The following ATP10A variants were observed in gnomAD, a reference collection of about 807,000 sequenced individuals.
ATP10A encodes ATPase phospholipid transporting 10A (putative), also known as phospholipid-transporting ATPase VA.
Under a neutral mutation model 147.8 loss-of-function variants are expected in ATP10A, and 111 were observed. That is an observed-to-expected ratio of 0.75 (90% CI 0.64 to 0.88). The LOEUF is 0.88. Ranked by LOEUF, ATP10A falls within the 40% of genes least tolerant of loss-of-function variation. The pLI is 0.00. For missense variants in ATP10A, 1,927 were observed against 1,959.0 expected (o/e 0.98, Z 0.31); for synonymous variants, 875 against 841.6 (o/e 1.04, Z -0.69).
chr15:25,813,855 T>G (rs563398951), intron 1 of ATP10A, among the ~76,000 whole-genome samples: 1 of 152,034 alleles, frequency 6.6e-6, no homozygotes, highest in African/African-American at 2.4e-5. Flanking sequence ...ACAGACTTTT[T>G]TTTTTAAAGA....
At chr15:25,776,997 C>T (rs1438178860) in intron 2 of ATP10A, among the ~76,000 whole-genome samples, 1 of 152,116 alleles carries the variant, frequency 6.6e-6, no homozygotes, top group Non-Finnish European at 1.5e-5. Context: ...CCATACTGGG[C>T]ATCACTGGTG....
At chr15:25,817,044 T>C (rs1357076449) in intron 1 of ATP10A, among the ~76,000 whole-genome samples, 1 of 152,144 alleles carries the variant, frequency 6.6e-6, no homozygotes, top group Non-Finnish European at 1.5e-5. Flanking sequence ...TAATGCAACT[T>C]TCTCTGTCTT....
At chr15:25,857,120 A>T (rs1287995477) in intron 1 of ATP10A, among the ~76,000 whole-genome samples, 1 of 152,188 alleles carries the variant, frequency 6.6e-6, no homozygotes, top group Non-Finnish European at 1.5e-5. Flanking sequence ...GATAAGTGGA[A>T]ATCTGAACAC....
chr15:25,706,017 G>A (rs1900987747), intron 12 of ATP10A, among the ~76,000 whole-genome samples: 1 of 152,176 alleles, frequency 6.6e-6, no homozygotes, highest in South Asian at 2.1e-4. Flanking sequence ...TTGGAGAAAC[G>A]CTGATGACCG....
At chr15:25,736,861 T>A (rs983719774) in intron 2 of ATP10A, among the ~76,000 whole-genome samples, 1 of 152,202 alleles carries the variant, frequency 6.6e-6, no homozygotes, top group African/African-American at 2.4e-5. Context: ...GCATTCTACT[T>A]AATCTAGCAA....
At chr15:25,689,476 C>T (rs1018615488) in intron 15 of ATP10A, among the ~76,000 whole-genome samples, 18 of 152,166 alleles carry the variant, frequency 1.2e-4, no homozygotes, top group Non-Finnish European at 2.4e-4. Flanking sequence ...CTGCCTGATC[C>T]TCCACGGCTC....
At chr15:25,684,361 A>T (rs1348448158) in intron 16 of ATP10A, among the ~76,000 whole-genome samples, 1 of 152,220 alleles carries the variant, frequency 6.6e-6, no homozygotes, top group Admixed American at 6.5e-5. Context: ...TGAACTCCTC[A>T]GTCTCGCTTT....
intron 1 of ATP10A, among the ~76,000 whole-genome samples, chr15:25,796,205 G>A (rs999507580): frequency 1.3e-5 from 2 of 152,152 alleles, no homozygotes; most frequent in Non-Finnish European, 2.9e-5. Flanking sequence ...GGGAGGCCAC[G>A]GTGGGAGGAG....
At chr15:25,673,894 C>T (rs566101301), downstream of ATP10A, among the ~76,000 whole-genome samples, 13 of 152,266 alleles carry the variant, frequency 8.5e-5, no homozygotes, top group Admixed American at 6.5e-4. Flanking sequence ...AGCTGTCCTG[C>T]GTGTGCAGGT....
intron 1 of ATP10A, among the ~76,000 whole-genome samples, chr15:25,839,250 A>G (rs890205392): frequency 1.6e-4 from 25 of 152,214 alleles, no homozygotes; most frequent in Non-Finnish European, 1.5e-5. Context: ...AACTGTAATT[A>G]TCCAAATTGC....
At chr15:25,672,320 C>T (rs1899061155), downstream of ATP10A, among the ~76,000 whole-genome samples, 1 of 152,210 alleles carries the variant, frequency 6.6e-6, no homozygotes, top group Admixed American at 6.5e-5. Context: ...GTTAGACATT[C>T]CCTCCTTTTA....
intron 1 of ATP10A, among the ~76,000 whole-genome samples, chr15:25,834,819 G>T (rs914763680): frequency 1.4e-4 from 22 of 152,184 alleles, no homozygotes; most frequent in African/African-American, 5.1e-4. Context: ...GCTACAATAT[G>T]AATGAGCCTG....
intron 1 of ATP10A, among the ~76,000 whole-genome samples, chr15:25,825,300 A>T (rs1215734511): frequency 6.6e-6 from 1 of 152,206 alleles, no homozygotes; most frequent in Non-Finnish European, 1.5e-5. Context: ...AAAATCTTAA[A>T]AAGAAAGCCT....
At chr15:25,827,613 C>T (rs984059774) in intron 1 of ATP10A, among the ~76,000 whole-genome samples, 1 of 152,034 alleles carries the variant, frequency 6.6e-6, no homozygotes, top group Non-Finnish European at 1.5e-5. Flanking sequence ...TAATTAAAAC[C>T]CACAAGGTGA....
At chr15:25,781,300 T>C (rs1356617895) in intron 1 of ATP10A, 77 bp from the exon 2 acceptor site, 1 of 1,221,716 alleles carries the variant, frequency 8.2e-7, no homozygotes, top group Non-Finnish European at 1.2e-6. Flanking sequence ...CACGTGGGGC[T>C]CATATGGCAA....
At chr15:25,750,271 T>C (rs9920959) in intron 2 of ATP10A, among the ~76,000 whole-genome samples, 149,909 of 152,230 alleles carry the variant, frequency 0.98, 73,871 homozygotes, top group East Asian at 1. Flanking sequence ...GCAAGCAAGA[T>C]GACACTGGAG....
chr15:25,745,354 A>C (rs906985486), intron 2 of ATP10A, among the ~76,000 whole-genome samples: 1 of 148,982 alleles, frequency 6.7e-6, no homozygotes, highest in Non-Finnish European at 1.5e-5. Context: ...ATCCGTCTCA[A>C]AAAAAAAAAA....
At chr15:25,856,041 G>C (rs567058425) in intron 1 of ATP10A, among the ~76,000 whole-genome samples, 1 of 152,218 alleles carries the variant, frequency 6.6e-6, no homozygotes, top group African/African-American at 2.4e-5. Flanking sequence ...GTATGCATCT[G>C]TACTATTTTT....
In ATP10A at chr15:25,713,905, A is replaced by T. The variant is rs762499357; in HGVS notation, c.2113T>A (p.Tyr705Asn). The T allele has an allele frequency of 3.7e-6, 6 of 1,613,370 alleles. No individual in the cohort carries two copies. Residue 705 changes from tyrosine (Y) to asparagine (N), a missense_variant, in exon 10 of 21, where the codon TAT becomes AAT. Tyr to Asn is a moderately radical substitution (Grantham distance 143). Transcript: ENST00000555815. ...AESPDEAALVYAARAYNCVLV... is the reference protein window; with the variant it reads ...AESPDEAALVNAARAYNCVLV... ...ACGCAGTTGTAGGCTCTGGCCGCAT[A>T]CACCAGTGCGGCCTCATCCGGGCTC... is the stretch of plus-strand genomic sequence containing the variant.
Sources: allele counts gnomAD v4.1 joint callset (sites outside exome capture counted in the v4.1 genomes callset), GRCh38; gene constraint gnomAD v4.1.1; transcripts MANE v1.5; gene names NCBI Gene and HGNC (gene_info 2026-07-23, HGNC 2026-07-21).